UGT3A1: variants seen among roughly 807,000 people sequenced by gnomAD.
UGT3A1 encodes the protein UDP-glycosyltransferase 3A1.
UGT3A1 carries 40 observed loss-of-function variants against 37.6 expected under a neutral mutation model. The ratio of observed to expected loss-of-function variants is 1.06; its 90% CI spans 0.83 to 1.38. UGT3A1 has a LOEUF of 1.38. Ranked by LOEUF, UGT3A1 falls within the 40% of genes most tolerant of loss-of-function variation. The pLI is 0.00. For synonymous variants in UGT3A1, 256 were observed against 232.3 expected (o/e 1.10, Z -0.93); for missense variants, 642 against 634.2 (o/e 1.01, Z -0.13).
Position 35,965,931 on chromosome 5 carries a change from A to C in UGT3A1, c.312-14T>G, listed in dbSNP as rs756921808. On this transcript the variant is annotated splice_polypyrimidine_tract_variant and intron_variant, in intron 3 of 6. Transcript: ENST00000274278. ...TCAGATTCTTTTCTGTAATAAAGAA[A>C]ATAAATAATAAATATTTGGGAAAGT... is the stretch of plus-strand genomic sequence containing the variant. 1 of 1,473,740 alleles carries C rather than the reference A, an allele frequency of 6.8e-7. No homozygotes were observed. Among genetic ancestry groups the C allele is most frequent in the Admixed American group, 2.3e-5 (1 of 43,288 alleles). 91.3% of individuals were successfully genotyped at this position (1,473,740 alleles called of 1,614,324 possible).
At chr5:35,975,492 A>G (rs1378132721) in intron 2 of UGT3A1, among the ~76,000 whole-genome samples, 1 of 152,200 alleles carries the variant, frequency 6.6e-6, no homozygotes, top group Non-Finnish European at 1.5e-5. Flanking sequence ...CCATCCATGC[A>G]CTTACAAAAT....
At chr5:35,991,971 C>T (rs1740965563), upstream of UGT3A1, among the ~76,000 whole-genome samples, 1 of 152,176 alleles carries the variant, frequency 6.6e-6, no homozygotes, top group Non-Finnish European at 1.5e-5. Flanking sequence ...ATAATCTCCC[C>T]AAAGCACAAA....
rs74919008 is a variant in UGT3A1, at chr5:35,959,922, A to G, written c.844-2503T>C. 5.4e-3 allele frequency among the ~76,000 whole-genome samples: 756 copies of G among 138,840 alleles called. 19 individuals are homozygous for G. Among genetic ancestry groups the G allele is most frequent in the East Asian group, 0.053 (245 of 4,632 alleles). The allele number at this position is 138,840 out of a possible 152,430, so 91.1% of individuals were successfully genotyped here. A position where few individuals can be genotyped will look rare whatever the true frequency, so the allele number is the denominator to read the frequency against. Reference sequence around the variant, plus strand: ...CCATACACTAACAATGAACAAATCAAAAAAGAAATTAGGAAAACAATTTCA... The same window carrying G: ...CCATACACTAACAATGAACAAATCAGAAAAGAAATTAGGAAAACAATTTCA... On this transcript the variant is annotated intron_variant, in intron 4 of 6. Transcript: ENST00000274278.
intron 2 of UGT3A1, among the ~76,000 whole-genome samples, chr5:35,982,053 A>G (rs746203449): frequency 6.6e-6 from 1 of 152,266 alleles, no homozygotes; most frequent in African/African-American, 2.4e-5. Flanking sequence ...AGGCCTACAC[A>G]TGTGCAGAAG....
At chr5:35,964,888 TGGAACCA>T (rs1280268356) in intron 4 of UGT3A1, among the ~76,000 whole-genome samples, 2 of 152,120 alleles carry the variant, frequency 1.3e-5, no homozygotes, top group Non-Finnish European at 2.9e-5. Context: ...AAAGTCTAGG[TGGAACCA>T]GGAGCCAGGG....
chr5:35,990,583 C>G (rs1740904448), intron 1 of UGT3A1, among the ~76,000 whole-genome samples: 1 of 152,120 alleles, frequency 6.6e-6, no homozygotes, highest in African/African-American at 2.4e-5. Context: ...CTCCTCAGAC[C>G]TGGGCAGTTC....
At chr5:35,961,789 G>C (rs1374215077) in intron 4 of UGT3A1, 4 of 152,212 alleles carry the variant, frequency 2.6e-5, no homozygotes, top group Non-Finnish European at 5.9e-5. Context: ...ATCAGGGGCT[G>C]TCTGAGTAAT....
At chr5:35,993,475 A>AT (rs1208894647), upstream of UGT3A1, among the ~76,000 whole-genome samples, 1 of 151,848 alleles carries the variant, frequency 6.6e-6, no homozygotes, top group African/African-American at 2.4e-5. Flanking sequence ...AAAAAAAAAA[A>AT]TGCAGATTCA....
chr5:35,994,707 G>A (rs1377288341), upstream of UGT3A1, among the ~76,000 whole-genome samples: 3 of 152,120 alleles, frequency 2.0e-5, no homozygotes, highest in African/African-American at 7.2e-5. Context: ...TTTAGGTTGT[G>A]ATGGCCCTGA....
At chr5:35,997,576 G>A (rs1741126652) in intron 1 of UGT3A1, among the ~76,000 whole-genome samples, 1 of 152,052 alleles carries the variant, frequency 6.6e-6, no homozygotes, top group Non-Finnish European at 1.5e-5. Flanking sequence ...ACAGGCGCCT[G>A]CCATTATGCC....
At chr5:35,984,047 G>C (rs1740634222) in intron 2 of UGT3A1, among the ~76,000 whole-genome samples, 1 of 152,056 alleles carries the variant, frequency 6.6e-6, no homozygotes, top group Admixed American at 6.5e-5. Flanking sequence ...TGGAAGTTCT[G>C]GACAGAGAAG....
At chr5:35,963,087 C>T in intron 4 of UGT3A1, 2 of 622,074 alleles carry the variant, frequency 3.2e-6, no homozygotes, top group Non-Finnish European at 5.8e-6. Context: ...TTTATGGATG[C>T]CACCCACAGG....
upstream of UGT3A1, among the ~76,000 whole-genome samples, chr5:35,992,235 A>G (rs1356956341): frequency 6.6e-6 from 1 of 152,210 alleles, no homozygotes; most frequent in African/African-American, 2.4e-5. Flanking sequence ...CTGAATTTAA[A>G]GCATTACATT....
In UGT3A1 at chr5:35,964,293, T is replaced by C. The variant is rs185775360; in HGVS notation, c.843+1093A>G. Among the ~76,000 whole-genome samples, 172 of 152,236 alleles carry C rather than the reference T, an allele frequency of 1.1e-3. 4 individuals are homozygous for C. Among genetic ancestry groups the C allele is most frequent in the Admixed American group, 9.8e-3 (150 of 15,288 alleles). On this transcript the variant is annotated intron_variant, in intron 4 of 6. Coordinates refer to ENST00000274278, the MANE Select transcript of UGT3A1 (RefSeq NM_152404.4). ...AGCTAAGACCTCAATTAAATCCCCA[T>C]GGTTTTATTCATGCAATTGAATCTT...
chr5:35,955,815 T>C lies in UGT3A1; in HGVS notation c.1125A>G (p.Val375=). The change falls in exon 6 of 7, where the codon GTA becomes GTG. Residue 375 remains valine, a synonymous_variant. Transcript: ENST00000274278. The part of the protein sequence containing the change: ...LFVTHGGQNS[V]MEAIRHGVPM... ...GCACACCATGACGGATGGCCTCCAT[T>C]ACGCTGTTCTGCCCACCATGAGTGA... 1 of 1,614,224 alleles carries C rather than the reference T, an allele frequency of 6.2e-7. No individual in the cohort carries two copies. The highest frequency in any genetic ancestry group is 8.5e-7 in the Non-Finnish European group (1 of 1,180,042).
At chr5:35,993,999 A>G (rs1026893725), upstream of UGT3A1, among the ~76,000 whole-genome samples, 1 of 152,124 alleles carries the variant, frequency 6.6e-6, no homozygotes, top group Non-Finnish European at 1.5e-5. Flanking sequence ...CTGCTTCTGT[A>G]TCAGGGATCT....
chr5:35,992,958 C>A (rs1467505744), upstream of UGT3A1, among the ~76,000 whole-genome samples: 1 of 152,116 alleles, frequency 6.6e-6, no homozygotes, highest in Non-Finnish European at 1.5e-5. Flanking sequence ...TACACACCTC[C>A]CCCATATGTT....
chr5:35,983,614 A>G (rs1248947974), intron 2 of UGT3A1, among the ~76,000 whole-genome samples: 1 of 152,202 alleles, frequency 6.6e-6, no homozygotes, highest in Non-Finnish European at 1.5e-5. Context: ...ACTATAGGCC[A>G]ATATAACTGA....
chr5:35,965,260 T>C, intron 4 of UGT3A1, 126 bp downstream of exon 4: 1 of 1,404,338 alleles, frequency 7.1e-7, no homozygotes, highest in Non-Finnish European at 9.6e-7. Context: ...TTTAAGAACG[T>C]GCCCTAGGTG....
Sources: allele counts gnomAD v4.1 joint callset (sites outside exome capture counted in the v4.1 genomes callset), GRCh38; gene constraint gnomAD v4.1.1; transcripts MANE v1.5; gene names NCBI Gene and HGNC (gene_info 2026-07-23, HGNC 2026-07-21).